Variants in SLC9B1 observed in about 807,000 individuals in gnomAD.
The protein encoded by SLC9B1 is sodium/hydrogen exchanger 9B1.
SLC9B1 carries 32 observed loss-of-function variants against 51.7 expected under a neutral mutation model. That is an observed-to-expected ratio of 0.62 (90% CI 0.47 to 0.83). The LOEUF (loss-of-function observed/expected upper bound fraction) is 0.83, where lower values mean the gene tolerates loss of function less well. Ranked by LOEUF, SLC9B1 falls within the 40% of genes least tolerant of loss-of-function variation. SLC9B1 has a pLI of 0.00. For missense variants in SLC9B1, 406 were observed against 613.2 expected (o/e 0.66, Z 3.57); for synonymous variants, 145 against 212.7 (o/e 0.68, Z 2.77).
intron 1 of SLC9B1, among the ~76,000 whole-genome samples, chr4:103,011,900 A>G (rs1741104444): frequency 6.6e-6 from 1 of 152,190 alleles, no homozygotes; most frequent in African/African-American, 2.4e-5. Context: ...TAAGAGTGGT[A>G]GCCTCAAAGA....
chr4:102,989,985 A>G (rs1334604817), intron 2 of SLC9B1, 44 bp from the exon 3 acceptor site: 2 of 1,491,812 alleles, frequency 1.3e-6, no homozygotes, highest in African/African-American at 2.9e-5. Context: ...TACTTTCTGT[A>G]TAATTTTATG....
At chr4:102,975,593 T>A (rs1487341717) in intron 3 of SLC9B1, among the ~76,000 whole-genome samples, 18 of 121,214 alleles carry the variant, frequency 1.5e-4, no homozygotes, top group African/African-American at 5.9e-4. Context: ...TATATTTTTT[T>A]TTTTTTTTTT....
chr4:102,921,436 G>T (rs570982492), intron 7 of SLC9B1, among the ~76,000 whole-genome samples: 1 of 152,066 alleles, frequency 6.6e-6, no homozygotes, highest in Non-Finnish European at 1.5e-5. Context: ...AGAAACACCC[G>T]GTACCAGCCA....
intron 7 of SLC9B1, among the ~76,000 whole-genome samples, chr4:102,923,304 A>G (rs530683050): frequency 2.0e-5 from 3 of 152,218 alleles, no homozygotes; most frequent in African/African-American, 7.2e-5. Flanking sequence ...AGAACCAAAG[A>G]CAAAAACCAC....
chr4:102,999,001 G>A (rs1168080866), intron 1 of SLC9B1, among the ~76,000 whole-genome samples: 2 of 152,078 alleles, frequency 1.3e-5, no homozygotes, highest in Admixed American at 6.5e-5. Context: ...AGGACTACTG[G>A]TGCACACGTC....
At chr4:102,978,720 T>C (rs1739205547) in intron 3 of SLC9B1, among the ~76,000 whole-genome samples, 1 of 152,094 alleles carries the variant, frequency 6.6e-6, no homozygotes, top group Non-Finnish European at 1.5e-5. Context: ...TTGGTGGGAG[T>C]GTAAACTAGT....
At chr4:102,996,645 TA>T (rs1410415656) in intron 1 of SLC9B1, among the ~76,000 whole-genome samples, 1 of 152,190 alleles carries the variant, frequency 6.6e-6, no homozygotes, top group Non-Finnish European at 1.5e-5. Flanking sequence ...CACAATTTAT[TA>T]AAAATATCAT....
intron 1 of SLC9B1, among the ~76,000 whole-genome samples, chr4:102,998,556 T>A (rs185633931): frequency 5.9e-5 from 9 of 152,174 alleles, no homozygotes; most frequent in Admixed American, 5.9e-4. Context: ...AATTGATGGA[T>A]CATATGGTAA....
intron 3 of SLC9B1, among the ~76,000 whole-genome samples, chr4:102,988,573 C>T (rs574624063): frequency 6.6e-6 from 1 of 152,102 alleles, no homozygotes; most frequent in East Asian, 1.9e-4. Flanking sequence ...ATGTTCTAAG[C>T]ATACCCAGAG....
intron 3 of SLC9B1, among the ~76,000 whole-genome samples, chr4:102,951,961 T>TTTTTTTTTTTG (rs1737583312): frequency 1.6e-4 from 1 of 6,112 alleles, no homozygotes; most frequent in Non-Finnish European, 3.7e-4. Context: ...AAATAAAATC[T>TTTTTTTTTTTG]TTTTTTTTTT....
At chr4:102,975,904 T>G (rs1296495329) in intron 3 of SLC9B1, among the ~76,000 whole-genome samples, 4 of 151,798 alleles carry the variant, frequency 2.6e-5, no homozygotes, top group Non-Finnish European at 5.9e-5. Context: ...TGCATAAATA[T>G]GATATCTTGG....
Position 102,989,935 on chromosome 4 carries a change from T to C in SLC9B1, c.76A>G (p.Ile26Val), listed in dbSNP as rs144726764. 2.2e-5 allele frequency: 34 copies of C among 1,579,140 alleles called. No homozygotes were observed. The highest frequency in any genetic ancestry group is 2.9e-5 in the Non-Finnish European group (34 of 1,158,862). Residue 26 changes from isoleucine to valine, a missense_variant, in exon 3 of 12, where the codon ATT (isoleucine) becomes GTT (valine). Ile to Val is a conservative substitution (Grantham distance 29). Transcript: ENST00000296422. The part of the protein sequence containing the change: ...FQTSTTPQSL[I>V]DPNNTAQEET... ...TCCTGTGCAGTATTATTAGGATCAA[T>C]GAGACTCTGTAGTAAAACAAGAAAA...
At position 102,887,207 on chromosome 4, in the gene SLC9B1, T is replaced by C. The variant is rs1578317478; in HGVS notation, c.1333-1879A>G. 5.3e-5 allele frequency: 33 copies of C among 619,996 alleles called. No individual in the cohort carries two copies. The East Asian group carries it at 9.5e-4, about 18-fold the overall frequency. The allele number at this position is 619,996 out of a possible 1,614,324, so 38.4% of individuals were successfully genotyped here. ...ATATGGTTCAGTTGGATGTAGAATG[T>C]AACTATTACTCAGGAAAACGATCTG... On this transcript the variant is annotated intron_variant, in intron 11 of 11. Transcript: ENST00000394789.
intron 3 of SLC9B1, among the ~76,000 whole-genome samples, chr4:102,983,211 A>C (rs1280973371): frequency 1.3e-5 from 2 of 152,138 alleles, no homozygotes; most frequent in African/African-American, 4.8e-5. Context: ...TTGAATGATG[A>C]ACTAATCTCA....
intron 3 of SLC9B1, among the ~76,000 whole-genome samples, chr4:102,984,823 T>C (rs978059226): frequency 4.6e-5 from 7 of 152,188 alleles, no homozygotes; most frequent in Non-Finnish European, 1.0e-4. Flanking sequence ...AAGTTATCTC[T>C]TTCTCCTTAT....
intron 11 of SLC9B1, 112 bp from the exon 12 acceptor site, chr4:102,901,444 A>T: frequency 8.0e-7 from 1 of 1,246,054 alleles, no homozygotes; most frequent in Non-Finnish European, 1.1e-6. Context: ...TATTAGAAAA[A>T]AAAAGTACTC....
chr4:102,961,467 CA>C (rs2110488582), intron 3 of SLC9B1, among the ~76,000 whole-genome samples: 2 of 152,410 alleles, frequency 1.3e-5, no homozygotes, highest in African/African-American at 4.8e-5. Flanking sequence ...GTACTTTGTG[CA>C]TTCTGCTATT....
chr4:102,984,013 T>C (rs1226185193), intron 3 of SLC9B1, among the ~76,000 whole-genome samples: 1 of 152,146 alleles, frequency 6.6e-6, no homozygotes, highest in Non-Finnish European at 1.5e-5. Context: ...TTAAGAAATA[T>C]TATCAAATGC....
At chr4:102,926,193 A>C in intron 7 of SLC9B1, among the ~76,000 whole-genome samples, 1 of 152,286 alleles carries the variant, frequency 6.6e-6, no homozygotes. Context: ...GCACAAGACA[A>C]GGATGCCCTC....
Sources: gnomAD v4.1 joint callset for allele counts (sites outside exome capture counted in the v4.1 genomes callset) on GRCh38, gnomAD v4.1.1 for gene constraint, MANE v1.5 for transcripts, NCBI Gene and HGNC (gene_info 2026-07-23, HGNC 2026-07-21) for gene names.